Variants in PDZRN4 observed in about 807,000 individuals in gnomAD.
PDZRN4 encodes PDZ domain containing ring finger 4.
A neutral mutation model predicts 99.0 loss-of-function variants in PDZRN4; 70 were observed. That is an observed-to-expected ratio of 0.71 (90% CI 0.58 to 0.86). PDZRN4 has a LOEUF of 0.86. Among genes scored for constraint, PDZRN4 ranks in the 40% least tolerant of loss-of-function variants. The probability of loss-of-function intolerance (pLI) is 0.00; values close to 1 mark genes in which losing one functional copy is unlikely to be tolerated. For synonymous variants in PDZRN4, 551 were observed against 501.6 expected (o/e 1.10, Z -1.32); for missense variants, 1,474 against 1,331.2 (o/e 1.11, Z -1.67).
At chr12:41,444,855 T>A (rs750465783) in intron 3 of PDZRN4, among the ~76,000 whole-genome samples, 1 of 152,034 alleles carries the variant, frequency 6.6e-6, no homozygotes, top group Non-Finnish European at 1.5e-5. Context: ...AACATGTACA[T>A]TTAGCTAGAA....
intron 3 of PDZRN4, among the ~76,000 whole-genome samples, chr12:41,465,156 G>GA (rs1289391723): frequency 2.0e-5 from 3 of 152,100 alleles, no homozygotes; most frequent in Admixed American, 2.0e-4. Flanking sequence ...CTAAGACAGT[G>GA]AATATGAATA....
intron 3 of PDZRN4, 62 bp from the exon 4 acceptor site, chr12:41,506,394 T>C: frequency 6.8e-7 from 1 of 1,460,662 alleles, no homozygotes; most frequent in Non-Finnish European, 9.2e-7. Flanking sequence ...CTTTTATTAA[T>C]CTATCATGAC....
In PDZRN4 at chr12:41,242,808, T is replaced by C. The variant is rs76070642; in HGVS notation, c.843+48620T>C. 9.0e-3 allele frequency among the ~76,000 whole-genome samples: 1,368 copies of C among 152,314 alleles called. 21 individuals carry two copies. The highest frequency in any genetic ancestry group is 0.031 in the African/African-American group (1,284 of 41,568). Reference sequence around the variant, plus strand: ...GGAGAGGATGGAGAGCAGCTGTCACTTCCTGTAGGTCTCCACAGCTGTGGA... The same window carrying C: ...GGAGAGGATGGAGAGCAGCTGTCACCTCCTGTAGGTCTCCACAGCTGTGGA... On this transcript the variant is annotated intron_variant, in intron 3 of 9. Transcript: ENST00000402685.
At chr12:41,399,554 G>C (rs1158637970) in intron 3 of PDZRN4, among the ~76,000 whole-genome samples, 1 of 151,840 alleles carries the variant, frequency 6.6e-6, no homozygotes, top group Non-Finnish European at 1.5e-5. Context: ...GGGCAACATG[G>C]TGAAACCCCA....
intron 3 of PDZRN4, among the ~76,000 whole-genome samples, chr12:41,292,087 T>G: frequency 1.3e-5 from 2 of 152,300 alleles, no homozygotes; most frequent in South Asian, 4.1e-4. Flanking sequence ...AAAGCATGAG[T>G]AGCAGGCGTT....
intron 6 of PDZRN4, among the ~76,000 whole-genome samples, chr12:41,553,952 C>T (rs1356545394): frequency 6.6e-6 from 1 of 152,008 alleles, no homozygotes; most frequent in South Asian, 2.1e-4. Context: ...TTTTGATAGA[C>T]CTGCTTAGAA....
At chr12:41,393,840 G>A (rs1324283121) in intron 3 of PDZRN4, among the ~76,000 whole-genome samples, 1 of 152,160 alleles carries the variant, frequency 6.6e-6, no homozygotes, top group Non-Finnish European at 1.5e-5. Context: ...TGTCGGGATG[G>A]TTGTGCAGCT....
chr12:41,519,150 A>C (rs546694756), intron 5 of PDZRN4, among the ~76,000 whole-genome samples: 1 of 152,152 alleles, frequency 6.6e-6, no homozygotes, highest in African/African-American at 2.4e-5. Context: ...GAATTTTCAA[A>C]GTTGAAGGAC....
chr12:41,400,320 G>A (rs1279013034), intron 3 of PDZRN4, among the ~76,000 whole-genome samples: 2 of 152,108 alleles, frequency 1.3e-5, no homozygotes, highest in Non-Finnish European at 2.9e-5. Flanking sequence ...ATTTTAGTGG[G>A]TAGTCAGGGA....
At chr12:41,201,972 C>A (rs975597970) in intron 3 of PDZRN4, among the ~76,000 whole-genome samples, 7 of 152,162 alleles carry the variant, frequency 4.6e-5, no homozygotes, top group Non-Finnish European at 8.8e-5. Flanking sequence ...AGTTATTGAA[C>A]TTGAACAACC....
At chr12:41,518,763 C>T (rs536678878) in intron 5 of PDZRN4, among the ~76,000 whole-genome samples, 108 of 151,960 alleles carry the variant, frequency 7.1e-4, no homozygotes, top group African/African-American at 2.5e-3. Context: ...ACCAGTCTGG[C>T]CTATGTAGTG....
At chr12:41,510,885 G>T (rs907398650) in intron 5 of PDZRN4, among the ~76,000 whole-genome samples, 1 of 152,084 alleles carries the variant, frequency 6.6e-6, no homozygotes, top group Admixed American at 6.6e-5. Flanking sequence ...AATTTAGAAG[G>T]ATGTGAAATG....
rs529659453 is a variant in PDZRN4 at position 41,395,760 on chromosome 12, T to C, written c.844-110696T>C. Among the ~76,000 whole-genome samples the C allele has an allele frequency of 6.9e-3, 1,043 of 152,260 alleles. 6 individuals carry two copies. Among genetic ancestry groups the C allele is most frequent in the Non-Finnish European group, 0.012 (820 of 68,024 alleles). ...CTTTAAATTTTTCTAGAAGTTTTAT[T>C]GTTTATTTGGAAGACTGGACACACA... On this transcript the variant is annotated intron_variant, in intron 3 of 9. Coordinates refer to ENST00000402685, the MANE Select transcript of PDZRN4 (RefSeq NM_001164595.2).
Position 41,267,393 on chromosome 12 carries a change from A to T in PDZRN4, c.843+73205A>T, listed in dbSNP as rs907319944. Among the ~76,000 whole-genome samples, 80 of 152,170 alleles carry T rather than the reference A, an allele frequency of 5.3e-4. 1 individual carries two copies. Among genetic ancestry groups the T allele is most frequent in the Non-Finnish European group, 4.4e-5 (3 of 68,046 alleles). ...ACTTTAACCTGAATGCCATTCCTAT[A>T]TCTGGAAGAAGAAGAAAAAAAAGAC... On this transcript the variant is annotated intron_variant, in intron 3 of 9. Coordinates refer to ENST00000402685, the MANE Select transcript of PDZRN4 (RefSeq NM_001164595.2).
intron 3 of PDZRN4, among the ~76,000 whole-genome samples, chr12:41,466,826 T>C (rs1952930938): frequency 6.7e-6 from 1 of 148,826 alleles, no homozygotes; most frequent in African/African-American, 2.5e-5. Flanking sequence ...TCTTGCACCA[T>C]GAACCATGCT....
chr12:41,516,747 G>T (rs1278306017), intron 5 of PDZRN4, among the ~76,000 whole-genome samples: 1 of 151,320 alleles, frequency 6.6e-6, no homozygotes, highest in African/African-American at 2.4e-5. Context: ...CAGTCTTGAT[G>T]TATGGCTCAT....
At chr12:41,286,336 C>CTTTTTTTTTTTTTTTTTTTT (rs71081721) in intron 3 of PDZRN4, among the ~76,000 whole-genome samples, 443 of 106,226 alleles carry the variant, frequency 4.2e-3, no homozygotes, top group African/African-American at 5.9e-3. Context: ...CCTTCTTCTT[C>CTTTTTTTTTTTTTTTTTTTT]TTTTTTTTTT....
At chr12:41,277,388 G>A (rs544562932) in intron 3 of PDZRN4, among the ~76,000 whole-genome samples, 1 of 152,292 alleles carries the variant, frequency 6.6e-6, no homozygotes, top group East Asian at 1.9e-4. Flanking sequence ...ACGGGCGTGA[G>A]TTCTGGGTGG....
intron 5 of PDZRN4, among the ~76,000 whole-genome samples, chr12:41,541,856 C>T (rs772244359): frequency 6.6e-5 from 10 of 152,166 alleles, no homozygotes; most frequent in Non-Finnish European, 1.5e-4. Context: ...TTCTGGCACC[C>T]GAAGTAGCTA....
Sources: gnomAD v4.1 joint callset for allele counts (sites outside exome capture counted in the v4.1 genomes callset) on GRCh38, gnomAD v4.1.1 for gene constraint, MANE v1.5 for transcripts, NCBI Gene and HGNC (gene_info 2026-07-23, HGNC 2026-07-21) for gene names.